The following ELL2 variants were observed in gnomAD, a reference collection of about 807,000 sequenced individuals.
ELL2 encodes RNA polymerase II elongation factor ELL2.
A neutral mutation model predicts 72.8 loss-of-function variants in ELL2; 21 were observed. The observed-to-expected ratio is 0.29, with a 90% CI of 0.20 to 0.42. The LOEUF is 0.42. ELL2 is among the 10% of genes least tolerant of loss of function. The pLI is 1.00. For missense variants in ELL2, 568 were observed against 772.8 expected (o/e 0.73, Z 3.14); for synonymous variants, 266 against 283.2 (o/e 0.94, Z 0.61).
chr5:95,953,156 T>A (rs1751482011), intron 1 of ELL2, among the ~76,000 whole-genome samples: 1 of 152,222 alleles, frequency 6.6e-6, no homozygotes, highest in Admixed American at 6.5e-5. Context: ...GTTCATTTTT[T>A]TTCACATTTG....
chr5:95,942,679 G>A (rs552069079), intron 2 of ELL2, among the ~76,000 whole-genome samples: 5 of 152,214 alleles, frequency 3.3e-5, no homozygotes, highest in African/African-American at 1.2e-4. Flanking sequence ...AATCCCGTAT[G>A]GATGTTAAGC....
intron 3 of ELL2, among the ~76,000 whole-genome samples, chr5:95,918,467 G>T (rs2547997): frequency 0.37 from 56,812 of 151,994 alleles, 11,944 homozygotes; most frequent in African/African-American, 0.58. Context: ...AAAAAGTTAC[G>T]TAGACACCTT....
intron 11 of ELL2, 40 bp from the exon 12 acceptor site, chr5:95,889,027 T>C: frequency 6.3e-7 from 1 of 1,576,560 alleles, no homozygotes; most frequent in South Asian, 1.2e-5. Flanking sequence ...GGAATGAGAT[T>C]GCAGAATTTA....
chr5:95,906,090 G>A (rs567388950), intron 5 of ELL2, among the ~76,000 whole-genome samples: 1 of 152,290 alleles, frequency 6.6e-6, no homozygotes, highest in South Asian at 2.1e-4. Flanking sequence ...GCAGCACAAA[G>A]TATGTGGGGC....
chr5:95,898,136 AT>A, intron 8 of ELL2, 103 bp downstream of exon 8: 1 of 1,010,660 alleles, frequency 9.9e-7, no homozygotes, highest in Non-Finnish European at 1.4e-6. Context: ...ACTAAGATTA[AT>A]AATTAAATGA....
At chr5:95,945,895 T>C (rs1751138740) in intron 1 of ELL2, among the ~76,000 whole-genome samples, 1 of 152,176 alleles carries the variant, frequency 6.6e-6, no homozygotes, top group Non-Finnish European at 1.5e-5. Flanking sequence ...TCTTCATTTT[T>C]AGTTTCTATT....
At chr5:95,915,731 A>C (rs1215730438) in intron 3 of ELL2, among the ~76,000 whole-genome samples, 1 of 152,092 alleles carries the variant, frequency 6.6e-6, no homozygotes, top group Admixed American at 6.5e-5. Flanking sequence ...GGCAAGGGGG[A>C]AGAAGAATGA....
At chr5:95,953,694 A>G (rs6898399) in intron 1 of ELL2, among the ~76,000 whole-genome samples, 50,430 of 151,980 alleles carry the variant, frequency 0.33, 10,087 homozygotes, top group African/African-American at 0.57. Flanking sequence ...TGTTTTTCAT[A>G]AGGAACTGCC....
At chr5:95,908,876 T>G (rs1749476740) in intron 4 of ELL2, among the ~76,000 whole-genome samples, 1 of 152,232 alleles carries the variant, frequency 6.6e-6, no homozygotes, top group Non-Finnish European at 1.5e-5. Flanking sequence ...GAAGCCCTTC[T>G]TTCTTTCTGG....
chr5:95,941,946 CACTT>C (rs1309198751), intron 2 of ELL2, among the ~76,000 whole-genome samples: 3 of 152,202 alleles, frequency 2.0e-5, no homozygotes, highest in Non-Finnish European at 2.9e-5. Flanking sequence ...CATTCATGAA[CACTT>C]AGTCACTGAA....
Position 95,894,113 on chromosome 5 carries a change from G to A in ELL2, c.1589+1515C>T, listed in dbSNP as rs1480484134. Among the ~76,000 whole-genome samples, 9 of 152,164 alleles carry A rather than the reference G, an allele frequency of 5.9e-5. No homozygotes were observed. The East Asian group carries it at 1.3e-3, about 23-fold the overall frequency. ...TAAAAATACAAAAAATTACCCAGGC[G>A]TGGTAGTGGGCGCCTGTAATCCCAG... On this transcript the variant is annotated intron_variant, in intron 9 of 11. Coordinates refer to ENST00000237853, the MANE Select transcript of ELL2 (RefSeq NM_012081.6).
chr5:95,930,370 G>A (rs573334293), intron 2 of ELL2, among the ~76,000 whole-genome samples: 2 of 152,230 alleles, frequency 1.3e-5, no homozygotes, highest in East Asian at 3.9e-4. Context: ...GGGAGAGACT[G>A]GTATTTGACA....
intron 9 of ELL2, among the ~76,000 whole-genome samples, chr5:95,892,121 T>A (rs1748687805): frequency 6.6e-6 from 1 of 152,154 alleles, no homozygotes; most frequent in African/African-American, 2.4e-5. Flanking sequence ...AACAGCATTT[T>A]ATTATTAAAC....
intron 2 of ELL2, among the ~76,000 whole-genome samples, chr5:95,938,840 C>G (rs1750869791): frequency 6.6e-6 from 1 of 152,106 alleles, no homozygotes; most frequent in Non-Finnish European, 1.5e-5. Flanking sequence ...GAATAATATT[C>G]TCATAACAAA....
intron 1 of ELL2, among the ~76,000 whole-genome samples, chr5:95,956,021 T>C (rs1428000459): frequency 1.3e-5 from 2 of 152,188 alleles, no homozygotes; most frequent in Admixed American, 6.5e-5. Context: ...ACACAGCTTC[T>C]GTAATTTTTC....
chr5:95,954,407 T>TA (rs1751539404), intron 1 of ELL2, among the ~76,000 whole-genome samples: 1 of 147,030 alleles, frequency 6.8e-6, no homozygotes, highest in Non-Finnish European at 1.5e-5. Flanking sequence ...ATTATTCTTT[T>TA]TTTTTTTTTT....
chr5:95,910,780 A>T (rs1322791429), intron 4 of ELL2, among the ~76,000 whole-genome samples: 1 of 152,178 alleles, frequency 6.6e-6, no homozygotes, highest in Non-Finnish European at 1.5e-5. Flanking sequence ...TTGTTGAAAG[A>T]AACCTTGTCC....
In ELL2 at chr5:95,896,695, C is replaced by G. The variant is rs144558887; in HGVS notation, c.1526-1004G>C. ...TTCTGCCATAGACACCAGATAAATTCCAAAAAATGCAGGGGATGTGGGTCT... is the reference window on the plus strand; with the variant it reads ...TTCTGCCATAGACACCAGATAAATTGCAAAAAATGCAGGGGATGTGGGTCT... On this transcript the variant is annotated intron_variant, in intron 8 of 11. Transcript: ENST00000237853. 2.6e-5 allele frequency among the ~76,000 whole-genome samples: 4 copies of G among 152,210 alleles called. No homozygotes were observed. The East Asian group carries it at 7.7e-4, about 29-fold the overall frequency.
chr5:95,944,795 A>G (rs534982001), intron 1 of ELL2, among the ~76,000 whole-genome samples: 5 of 152,280 alleles, frequency 3.3e-5, no homozygotes, highest in African/African-American at 1.2e-4. Context: ...CACTTCCCTC[A>G]TTACACTTCC....
Sources: allele counts gnomAD v4.1 joint callset (sites outside exome capture counted in the v4.1 genomes callset), GRCh38; gene constraint gnomAD v4.1.1; transcripts MANE v1.5; gene names NCBI Gene and HGNC (gene_info 2026-07-23, HGNC 2026-07-21).